PDE8B: variants seen among roughly 807,000 people sequenced by gnomAD.
PDE8B encodes the protein phosphodiesterase 8B.
In PDE8B, 26 loss-of-function variants were observed where a neutral mutation model predicts 101.3. That is an observed-to-expected ratio of 0.26 (90% CI 0.19 to 0.36). PDE8B has a LOEUF of 0.36. Among genes scored for constraint, PDE8B ranks in the 10% least tolerant of loss-of-function variants. The pLI, the probability that PDE8B is intolerant of heterozygous loss-of-function variation, is 1.00. For synonymous variants in PDE8B, 424 were observed against 429.3 expected (o/e 0.99, Z 0.15); for missense variants, 810 against 1,163.1 (o/e 0.70, Z 4.42).
In PDE8B at chr5:77,243,394, G is replaced by A. The variant is rs1172922013; in HGVS notation, c.339+32130G>A. Among the ~76,000 whole-genome samples, 4 of 152,100 alleles carry A rather than the reference G, an allele frequency of 2.6e-5. No homozygotes were observed. In the East Asian group the frequency reaches 7.7e-4, roughly 29 times the overall value. ...ATACCATAAACTTTATCAAATTAAAGTGTATAGTTTCATGAATTTTAATAA... is the reference window on the plus strand; with the variant it reads ...ATACCATAAACTTTATCAAATTAAAATGTATAGTTTCATGAATTTTAATAA... On this transcript the variant is annotated intron_variant, in intron 1 of 21. Transcript: ENST00000264917.
chr5:77,197,610 C>A, the PDE8B span, among the ~76,000 whole-genome samples: 1 of 151,498 alleles, frequency 6.6e-6, no homozygotes, highest in East Asian at 1.9e-4. Context: ...AGCTTTTATC[C>A]CCTTTATCAT....
At chr5:77,110,718 C>T in the PDE8B span, among the ~76,000 whole-genome samples, 1 of 152,180 alleles carries the variant, frequency 6.6e-6, no homozygotes, top group Non-Finnish European at 1.5e-5. Flanking sequence ...TCAGCAGTTT[C>T]AAGTAATGCA....
In PDE8B at chr5:77,210,768, G is replaced by T. The variant is rs1224293727; in HGVS notation, c.-158G>T. On this transcript the variant is annotated 5_prime_UTR_variant, in exon 1 of 22. Transcript: ENST00000264917. This position sits in a 1 kb window ranked among gnomAD's most constrained non-coding sequence, Gnocchi z 4.9. ...CGCGGTCCCCGGAGGCTCGGCGGGG[G>T]GCACCGCGGCCAGCCCGACGGAGCG... The T allele has an allele frequency of 2.0e-6, 2 of 982,590 alleles. No individual in the cohort carries two copies. The highest frequency in any genetic ancestry group is 2.4e-6 in the Non-Finnish European group (2 of 829,468). 60.9% of individuals were successfully genotyped at this position (982,590 alleles called of 1,614,324 possible).
chr5:77,126,607 T>G, the PDE8B span, among the ~76,000 whole-genome samples: 1 of 152,054 alleles, frequency 6.6e-6, no homozygotes, highest in African/African-American at 2.4e-5. Flanking sequence ...AAATTTGTTG[T>G]CAGGGTCTCT....
At chr5:77,130,943 G>A in the PDE8B span, 225 of 152,268 alleles carry the variant, frequency 1.5e-3, no homozygotes, top group African/African-American at 4.9e-3. Context: ...CTTCCACCCA[G>A]GCAGAAATCA....
intron 1 of PDE8B, among the ~76,000 whole-genome samples, chr5:77,288,830 TG>T (rs1766615328): frequency 6.7e-6 from 1 of 148,444 alleles, no homozygotes; most frequent in Non-Finnish European, 1.5e-5. Flanking sequence ...TAAATCTTGC[TG>T]CCCCCATCTT....
chr5:77,133,432 C>T, the PDE8B span, among the ~76,000 whole-genome samples: 215 of 152,278 alleles, frequency 1.4e-3, no homozygotes, highest in Non-Finnish European at 2.2e-3. Context: ...GGATGTTTGT[C>T]ATATAACATT....
chr5:77,414,565 CG>C (rs1795152403), intron 17 of PDE8B, among the ~76,000 whole-genome samples: 1 of 151,278 alleles, frequency 6.6e-6, no homozygotes, highest in Non-Finnish European at 1.5e-5. Flanking sequence ...GGACTACAGG[CG>C]TAGGCCACCA....
intron 1 of PDE8B, among the ~76,000 whole-genome samples, chr5:77,298,035 G>T (rs992184744): frequency 2.6e-5 from 4 of 152,056 alleles, no homozygotes; most frequent in African/African-American, 7.2e-5. Flanking sequence ...TATCTTTTTT[G>T]GCTTATTTTC....
chr5:77,393,542 T>G (rs149162947), intron 10 of PDE8B, among the ~76,000 whole-genome samples: 545 of 152,264 alleles, frequency 3.6e-3, no homozygotes, highest in Non-Finnish European at 5.3e-3. Context: ...ATAAAAAAAT[T>G]ACAGGACCAA....
At chr5:77,292,917 C>T (rs573617581) in intron 1 of PDE8B, among the ~76,000 whole-genome samples, 40 of 152,010 alleles carry the variant, frequency 2.6e-4, no homozygotes, top group Middle Eastern at 3.4e-3. Flanking sequence ...AAAAGGCTTC[C>T]GGGCCCTTGA....
intron 1 of PDE8B, among the ~76,000 whole-genome samples, chr5:77,264,063 T>A (rs145741870): frequency 1.2e-3 from 178 of 152,332 alleles, no homozygotes; most frequent in African/African-American, 4.2e-3. Flanking sequence ...TCTGGCTTCT[T>A]TCATTTAGCG....
At chr5:77,379,313 A>T (rs886806505) in intron 10 of PDE8B, among the ~76,000 whole-genome samples, 6 of 152,098 alleles carry the variant, frequency 3.9e-5, no homozygotes, top group South Asian at 4.1e-4. Context: ...GATCTGGGGG[A>T]AAAAAACAGC....
intron 10 of PDE8B, among the ~76,000 whole-genome samples, chr5:77,399,097 A>T (rs1046426835): frequency 2.6e-5 from 4 of 152,262 alleles, no homozygotes; most frequent in Admixed American, 1.3e-4. Context: ...CAGCACTTAC[A>T]TACCAGAGGA....
At chr5:77,382,083 G>A (rs1042477504) in intron 10 of PDE8B, among the ~76,000 whole-genome samples, 1 of 152,144 alleles carries the variant, frequency 6.6e-6, no homozygotes, top group Non-Finnish European at 1.5e-5. Context: ...CGTATACTCA[G>A]TTGAACATAC....
At chr5:77,117,438 A>C in the PDE8B span, among the ~76,000 whole-genome samples, 1 of 152,116 alleles carries the variant, frequency 6.6e-6, no homozygotes, top group Non-Finnish European at 1.5e-5. Context: ...TGGTACTTGG[A>C]TAGGACTCCA....
the PDE8B span, among the ~76,000 whole-genome samples, chr5:77,126,928 T>A: frequency 5.9e-5 from 9 of 152,222 alleles, no homozygotes; most frequent in Admixed American, 5.9e-4. Context: ...GCTTCTGGAC[T>A]TTATTTATTA....
intron 10 of PDE8B, 77 bp downstream of exon 10, chr5:77,353,483 G>C (rs1170781171): frequency 1.2e-6 from 1 of 855,970 alleles, no homozygotes; most frequent in Admixed American, 1.7e-5. Context: ...TCTCACCACT[G>C]TTCTCTGCTT....
chr5:77,249,671 C>T (rs1162676713), intron 1 of PDE8B, among the ~76,000 whole-genome samples: 1 of 152,228 alleles, frequency 6.6e-6, no homozygotes, highest in Non-Finnish European at 1.5e-5. Context: ...GCAGCAATTG[C>T]TAGGCAGAAT....
Sources: gnomAD v4.1 joint callset for allele counts (sites outside exome capture counted in the v4.1 genomes callset) on GRCh38, gnomAD v4.1.1 for gene constraint, Gnocchi (gnomAD v3.1) non-coding constraint, MANE v1.5 for transcripts, NCBI Gene and HGNC (gene_info 2026-07-23, HGNC 2026-07-21) for gene names.